The following GPC2 variants were observed in gnomAD, a reference collection of about 807,000 sequenced individuals.
GPC2 encodes the protein glypican 2, also known as glypican-2.
GPC2 carries 42 observed loss-of-function variants against 57.3 expected under a neutral mutation model. The observed-to-expected ratio is 0.73, with a 90% CI of 0.57 to 0.95. GPC2 has a LOEUF of 0.95. GPC2 is among the 40% of genes least tolerant of loss of function. The pLI, the probability that GPC2 is intolerant of heterozygous loss-of-function variation, is 0.00. For missense variants in GPC2, 745 were observed against 793.6 expected (o/e 0.94, Z 0.74); for synonymous variants, 364 against 343.4 (o/e 1.06, Z -0.66).
chr7:100,174,454 G>A (rs2116986668), intron 4 of GPC2: 1 of 620,516 alleles, frequency 1.6e-6, no homozygotes, highest in Non-Finnish European at 2.9e-6. Flanking sequence ...GGGGACTGAG[G>A]AGGGTATGGG....
At chr7:100,173,788 G>T (rs1455299286) in intron 5 of GPC2, 47 bp downstream of exon 5, 14 of 1,452,474 alleles carry the variant, frequency 9.6e-6, no homozygotes, top group Non-Finnish European at 1.0e-5. Flanking sequence ...TGTGATTACA[G>T]GTGTGAGCCA....
Position 100,176,208 on chromosome 7 carries a change from A to G in GPC2, c.324T>C (p.Asp108=), listed in dbSNP as rs762938012. 1.2e-6 allele frequency: 2 copies of G among 1,604,882 alleles called. No homozygotes were observed. Among genetic ancestry groups the G allele is most frequent in the South Asian group, 2.2e-5 (2 of 89,874 alleles). ...HTLAARHRKF[D]EFFLEMLSVA... ...AGTTTGGGGACCCCAGGTCCTCACC[A>G]TCAAATTTTCTGTGCCTGGCAGCCA... Residue 108 remains aspartate, a splice_region_variant and synonymous_variant, in exon 2 of 10, where the codon GAT becomes GAC. Transcript: ENST00000292377.
At position 100,173,892 on chromosome 7, in the gene GPC2, C is replaced by G; in HGVS notation, c.835G>C (p.Val279Leu). The change falls in exon 5 of 10, where the codon GTG becomes CTG. Residue 279 changes from valine (V) to leucine (L), a missense_variant. Physicochemically the swap from Val to Leu is conservative, Grantham distance 32 (BLOSUM62 1). Around this residue, in one of 2 missense-constraint regions of GPC2, gnomAD observed 607 missense variants for 603.9 expected, o/e 1.01. Coordinates refer to ENST00000292377, the MANE Select transcript of GPC2 (RefSeq NM_152742.3). The stretch of plus-strand genomic sequence containing the variant: ...CTGCTGCTGAGACAGCCACGAACCA[C>G]GTTGAGGCAGAAGCCCTGGCAGGGC... ...LMPCQGFCLN[V>L]VRGCLSSRGL... 6.2e-7 allele frequency: 1 copy of G among 1,605,406 alleles called. No homozygotes were observed. Among genetic ancestry groups the G allele is most frequent in the Non-Finnish European group, 8.5e-7 (1 of 1,176,038 alleles).
intron 5 of GPC2, chr7:100,173,581 ATTTCTTTCT>A (rs1799219735): frequency 1.7e-5 from 4 of 236,004 alleles, no homozygotes; most frequent in Non-Finnish European, 3.2e-5. Flanking sequence ...TGCCTGGCTG[ATTTCTTTCT>A]TTTCTTTCTT....
rs752156963 is a variant in GPC2, at chr7:100,175,661, CA to C, written c.558del (p.Asp187ThrfsTer31). 4 of 1,613,986 alleles carry C rather than the reference CA, an allele frequency of 2.5e-6. No individual in the cohort carries two copies. The highest frequency in any genetic ancestry group is 1.1e-5 in the South Asian group (1 of 91,074). On this transcript the variant is annotated frameshift_variant, in exon 3 of 10. Coordinates refer to ENST00000292377, the MANE Select transcript of GPC2 (RefSeq NM_152742.3). LOFTEE classifies it high-confidence loss of function. ...AAGCGTGAGAGGCAGAGCAGGTAGT[CA>C]GGGGGGAAGCTGTACTGTGGGTGCA... is the stretch of plus-strand genomic sequence containing the variant. ...PLLHPQYSFP[P>X]DYLLCLSRLA...
chr7:100,170,209 T>G lies in GPC2; in HGVS notation c.*21A>C, dbSNP rs1168550599. The G allele has an allele frequency of 2.0e-6, 3 of 1,535,552 alleles. No individual in the cohort carries two copies. In the Admixed American group the frequency reaches 6.0e-5, roughly 31 times the overall value. On this transcript the variant is annotated 3_prime_UTR_variant, in exon 10 of 10. Coordinates refer to ENST00000292377, the MANE Select transcript of GPC2 (RefSeq NM_152742.3). ...GGGAAAGGGCCATGAACCCTTCTGA[T>G]GCTAGGGCACCCCTCCCCCGTTATC...
chr7:100,174,621 T>C (rs1562958245), intron 4 of GPC2, 64 bp downstream of exon 4: 1 of 1,213,132 alleles, frequency 8.2e-7, no homozygotes, highest in Non-Finnish European at 1.2e-6. Flanking sequence ...TTCTTCCTTG[T>C]GGGGTCTCTC....
intron 6 of GPC2, 71 bp downstream of exon 6, chr7:100,172,016 C>CT: frequency 1.3e-6 from 2 of 1,591,768 alleles, no homozygotes. Context: ...TCCCAGATCC[C>CT]CTATACTGCC....
rs1799173174 is a variant in GPC2 at position 100,171,355 on chromosome 7, A to C, written c.1392T>G (p.Asp464Glu). Reference protein sequence around the residue: ...PELKVDASGPDVPTRRRRLQL... With the variant: ...PELKVDASGPEVPTRRRRLQL... ...GTAGCCGACGCCGCCGTGTCGGGAC[A>C]TCGGGGCCCGAGGCGTCCACCTTGA... Residue 464 changes from aspartate to glutamate, a missense_variant, in exon 9 of 10, where the codon GAT becomes GAG. Coordinates refer to ENST00000292377, the MANE Select transcript of GPC2 (RefSeq NM_152742.3). This position sits in a 1 kb window ranked among gnomAD's most constrained non-coding sequence, Gnocchi z 4.8. The C allele has an allele frequency of 6.5e-7, 1 of 1,545,848 alleles. No individual in the cohort carries two copies. The highest frequency in any genetic ancestry group is 1.4e-5 in the African/African-American group (1 of 71,538).
chr7:100,175,376 G>C (rs1799249368), intron 3 of GPC2, among the ~76,000 whole-genome samples, 196 bp downstream of exon 3: 1 of 152,144 alleles, frequency 6.6e-6, no homozygotes, highest in Admixed American at 6.5e-5. Context: ...GCTTCAAGAA[G>C]ACCAAGGGGC....
At position 100,177,089 on chromosome 7, in the gene GPC2, C is replaced by G. The variant is rs1799312007; in HGVS notation, c.111G>C (p.Gln37His). 1.9e-6 allele frequency: 3 copies of G among 1,613,044 alleles called. No homozygotes were observed. Among genetic ancestry groups the G allele is most frequent in the Non-Finnish European group, 2.5e-6 (3 of 1,179,620 alleles). ...KVTRSCAETRQVLGARGYSLN... is the reference protein window; with the variant it reads ...KVTRSCAETRHVLGARGYSLN... Reference sequence around the variant, plus strand: ...AGCTATATCCCCGGGCCCCCAGCACCTGCCGGGTCTCTGCACAACTCCGGG... The same window carrying G: ...AGCTATATCCCCGGGCCCCCAGCACGTGCCGGGTCTCTGCACAACTCCGGG... Residue 37 changes from glutamine to histidine, a missense_variant, in exon 1 of 10, where the codon CAG (glutamine) becomes CAC (histidine). By Grantham distance (24) the Gln-to-His change is conservative. Transcript: ENST00000292377.
chr7:100,173,105 C>A (rs1347944827), intron 5 of GPC2, among the ~76,000 whole-genome samples: 1 of 152,052 alleles, frequency 6.6e-6, no homozygotes, highest in Admixed American at 6.5e-5. Context: ...AACTCCTGAC[C>A]TCTTGATCCA....
In GPC2 at chr7:100,177,134, G is replaced by T. The variant is rs780792561; in HGVS notation, c.66C>A (p.Pro22=). The T allele has an allele frequency of 6.2e-7, 1 of 1,613,584 alleles. No individual in the cohort carries two copies. Among genetic ancestry groups the T allele is most frequent in the Middle Eastern group, 1.7e-4 (1 of 6,040 alleles). The change falls in exon 1 of 10, where the codon CCC becomes CCA. Residue 22 remains proline (P), a synonymous_variant. Coordinates refer to ENST00000292377, the MANE Select transcript of GPC2 (RefSeq NM_152742.3). ...LPLCPGPGPG[P]GSEAKVTRSC... ...TCCGGGTGACCTTTGCCTCGCTCCC[G>T]GGTCCGGGACCAGGACCGGGACACA...
In GPC2 at chr7:100,173,962, C is replaced by A; in HGVS notation, c.765G>T (p.Met255Ile). Reference protein sequence around the residue: ...PVSEGCSQALMRLIGCPLCRG... With the variant: ...PVSEGCSQALIRLIGCPLCRG... ...GGCACAGGGGACAGCCGATGAGACG[C>A]ATCAGAGCCTGGCTGCAGCCTTCAG... is the stretch of plus-strand genomic sequence containing the variant. The change falls in exon 5 of 10, where the codon ATG becomes ATT. Residue 255 changes from methionine to isoleucine, a missense_variant. Physicochemically the swap from Met to Ile is conservative, Grantham distance 10. Around this residue, in one of 2 missense-constraint regions of GPC2, gnomAD observed 607 missense variants for 603.9 expected, o/e 1.01. Transcript: ENST00000292377. The A allele has an allele frequency of 6.3e-7, 1 of 1,596,982 alleles. No individual in the cohort carries two copies. The highest frequency in any genetic ancestry group is 8.5e-7 in the Non-Finnish European group (1 of 1,172,082).
At position 100,170,496 on chromosome 7, in the gene GPC2, A is replaced by AT; in HGVS notation, c.1487-14_1487-13insA. ...CTGGCATCCTCATCTGCAAGGAAGA[A>AT]GAGGGACAGAGCAGGATGGGAGGGA... On this transcript the variant is annotated splice_polypyrimidine_tract_variant and intron_variant, in intron 9 of 9. Transcript: ENST00000292377. 6.6e-7 allele frequency: 1 copy of AT among 1,507,194 alleles called. No homozygotes were observed. The highest frequency in any genetic ancestry group is 8.9e-7 in the Non-Finnish European group (1 of 1,124,906). The allele number at this position is 1,507,194 out of a possible 1,614,324, so 93.4% of individuals were successfully genotyped here. A position where few individuals can be genotyped will look rare whatever the true frequency, so the allele number is the denominator to read the frequency against.
At chr7:100,175,378 C>T (rs1490077263) in intron 3 of GPC2, among the ~76,000 whole-genome samples, 194 bp downstream of exon 3, 1 of 152,040 alleles carries the variant, frequency 6.6e-6, no homozygotes, top group Non-Finnish European at 1.5e-5. Flanking sequence ...TTCAAGAAGA[C>T]CAAGGGGCAC....
rs189831862 is a variant in GPC2 at position 100,169,826 on chromosome 7, C to G, written c.*404G>C. Reference sequence around the variant, plus strand: ...GCACCCTCAGTCCCCTGCCCTGCATCCAGCTGGTCCATTTCTGAGACCAGA... The same window carrying G: ...GCACCCTCAGTCCCCTGCCCTGCATGCAGCTGGTCCATTTCTGAGACCAGA... On this transcript the variant is annotated 3_prime_UTR_variant, in exon 10 of 10. Coordinates refer to ENST00000292377, the MANE Select transcript of GPC2 (RefSeq NM_152742.3). 1,660 of 161,544 alleles carry G rather than the reference C, an allele frequency of 0.01. 36 individuals carry two copies. Among genetic ancestry groups the G allele is most frequent in the African/African-American group, 0.038 (1,576 of 41,800 alleles). The allele number at this position is 161,544 out of a possible 1,614,324, so 10.0% of individuals were successfully genotyped here.
rs1410595720 is a variant in GPC2 at position 100,171,468 on chromosome 7, AGC to A, written c.1311-34_1311-33del. 1.5e-6 allele frequency: 2 copies of A among 1,355,150 alleles called. No individual in the cohort carries two copies. Among genetic ancestry groups the A allele is most frequent in the Non-Finnish European group, 1.9e-6 (2 of 1,058,690 alleles). The allele number at this position is 1,355,150 out of a possible 1,614,324, so 83.9% of individuals were successfully genotyped here. On this transcript the variant is annotated intron_variant, in intron 8 of 9. Coordinates refer to ENST00000292377, the MANE Select transcript of GPC2 (RefSeq NM_152742.3). This position sits in a 1 kb window ranked among gnomAD's most constrained non-coding sequence, Gnocchi z 4.8. ...GCAGAGCAGCCCCGAAGCGCCAGCT[AGC>A]GCGCGCGGCCCCGCCCCTCCCGGCC...
rs1328188309 is a variant in GPC2 at position 100,171,886 on chromosome 7, G to C, written c.1063C>G (p.Arg355Gly). Reference protein sequence around the residue: ...ECGPPDPVPARNRRAPPPREE... With the variant: ...ECGPPDPVPAGNRRAPPPREE... ...CGGGGCGGCGGGGCTCGACGGTTGCGGGCAGGCACCGGGTCGGGGGGGCCG... is the reference window on the plus strand; with the variant it reads ...CGGGGCGGCGGGGCTCGACGGTTGCCGGCAGGCACCGGGTCGGGGGGGCCG... The change falls in exon 7 of 10, where the codon CGC (arginine) becomes GGC (glycine). Residue 355 changes from arginine (R) to glycine (G), a missense_variant. This residue lies in a region of GPC2 where 607 missense variants were observed against 603.9 expected (regional missense o/e 1.01). Coordinates refer to ENST00000292377, the MANE Select transcript of GPC2 (RefSeq NM_152742.3). The surrounding 1 kb of genome is among the most constrained non-coding windows in gnomAD (Gnocchi z 4.8). The C allele has an allele frequency of 4.6e-6, 7 of 1,514,268 alleles. No individual in the cohort carries two copies. The highest frequency in any genetic ancestry group is 6.2e-6 in the Non-Finnish European group (7 of 1,137,540). The allele number at this position is 1,514,268 out of a possible 1,614,324, so 93.8% of individuals were successfully genotyped here.
Sources: gnomAD v4.1 joint callset for allele counts (sites outside exome capture counted in the v4.1 genomes callset) on GRCh38, gnomAD v4.1.1 for gene constraint, gnomAD v4.1.1 regional missense constraint, Gnocchi (gnomAD v3.1) non-coding constraint, MANE v1.5 for transcripts, NCBI Gene and HGNC (gene_info 2026-07-23, HGNC 2026-07-21) for gene names.